ROBO2: variants seen among roughly 807,000 people sequenced by gnomAD.
ROBO2 encodes roundabout homolog 2.
In ROBO2, 53 loss-of-function variants were observed where a neutral mutation model predicts 160.8. The ratio of observed to expected loss-of-function variants is 0.33; its 90% CI spans 0.26 to 0.41. The LOEUF (loss-of-function observed/expected upper bound fraction) is 0.41, where lower values mean the gene tolerates loss of function less well. Ranked by LOEUF, ROBO2 falls within the 10% of genes least tolerant of loss-of-function variation. The pLI is 1.00. For missense variants in ROBO2, 1,577 were observed against 1,722.4 expected (o/e 0.92, Z 1.49); for synonymous variants, 664 against 611.7 (o/e 1.09, Z -1.26).
intron 2 of ROBO2, among the ~76,000 whole-genome samples, chr3:76,161,896 G>A (rs1200737135): frequency 6.6e-6 from 1 of 152,100 alleles, no homozygotes; most frequent in Non-Finnish European, 1.5e-5. Flanking sequence ...GTGCATTTGA[G>A]CATGTTAAAT....
At chr3:76,310,601 A>C (rs1367348182) in intron 2 of ROBO2, among the ~76,000 whole-genome samples, 3 of 152,214 alleles carry the variant, frequency 2.0e-5, no homozygotes, top group Non-Finnish European at 4.4e-5. Context: ...GAATGTCACG[A>C]GGTGAAGTAA....
intron 4 of ROBO2, among the ~76,000 whole-genome samples, chr3:77,491,667 G>C (rs143182460): frequency 6.6e-6 from 1 of 152,108 alleles, no homozygotes; most frequent in South Asian, 2.1e-4. Flanking sequence ...TATTCAGGGC[G>C]TCTAAAATCT....
intron 2 of ROBO2, among the ~76,000 whole-genome samples, chr3:76,592,020 A>G (rs2086446308): frequency 6.6e-6 from 1 of 152,074 alleles, no homozygotes; most frequent in African/African-American, 2.4e-5. Context: ...TTAAGAGCTT[A>G]GGAAACGTGT....
chr3:77,408,166 TTC>T (rs2076410778), intron 2 of ROBO2, among the ~76,000 whole-genome samples: 1 of 152,096 alleles, frequency 6.6e-6, no homozygotes, highest in Non-Finnish European at 1.5e-5. Context: ...TTGAGGAACA[TTC>T]TAACTTTTAG....
intron 2 of ROBO2, among the ~76,000 whole-genome samples, chr3:76,057,396 A>G (rs1362264855): frequency 1.3e-5 from 2 of 152,174 alleles, no homozygotes; most frequent in Non-Finnish European, 2.9e-5. Context: ...GAATCTTCGG[A>G]AGGTTAGAAA....
intron 2 of ROBO2, 118 bp downstream of exon 2, chr3:77,098,458 A>G: frequency 9.5e-7 from 1 of 1,053,654 alleles, no homozygotes; most frequent in Non-Finnish European, 1.4e-6. Context: ...GCATAATTTT[A>G]CTTGGTCTTC....
chr3:76,159,759 C>T (rs1415578386), intron 2 of ROBO2, among the ~76,000 whole-genome samples: 1 of 152,122 alleles, frequency 6.6e-6, no homozygotes, highest in African/African-American at 2.4e-5. Context: ...ATACCAGCCA[C>T]CCTAGTTCTT....
chr3:76,265,457 A>T (rs1292381520), intron 2 of ROBO2, among the ~76,000 whole-genome samples: 1 of 152,188 alleles, frequency 6.6e-6, no homozygotes, highest in Non-Finnish European at 1.5e-5. Flanking sequence ...TATGATAGTA[A>T]TAAGAGCTTC....
chr3:77,454,465 C>G (rs1300589670), intron 2 of ROBO2, among the ~76,000 whole-genome samples: 1 of 151,962 alleles, frequency 6.6e-6, no homozygotes, highest in Non-Finnish European at 1.5e-5. Context: ...ATTAAGACAC[C>G]CTTTCATTTA....
At chr3:77,291,215 A>T (rs2061192446) in intron 2 of ROBO2, among the ~76,000 whole-genome samples, 1 of 150,710 alleles carries the variant, frequency 6.6e-6, no homozygotes, top group Admixed American at 6.6e-5. Flanking sequence ...GGGTAAGCTG[A>T]GGCTAGAGCA....
chr3:76,565,921 G>A (rs2084488959), intron 2 of ROBO2, among the ~76,000 whole-genome samples: 1 of 152,072 alleles, frequency 6.6e-6, no homozygotes, highest in African/African-American at 2.4e-5. Flanking sequence ...GAATGACCAT[G>A]TCAACTCCCA....
chr3:76,531,748 C>A (rs2082244693), intron 2 of ROBO2, among the ~76,000 whole-genome samples: 1 of 150,566 alleles, frequency 6.6e-6, no homozygotes, highest in Admixed American at 6.7e-5. Context: ...AAAACAACAA[C>A]ACTATTTTCT....
chr3:76,094,000 A>T (rs1442446683), intron 2 of ROBO2, among the ~76,000 whole-genome samples: 1 of 152,154 alleles, frequency 6.6e-6, no homozygotes, highest in East Asian at 1.9e-4. Context: ...TTTGTGAAAA[A>T]AATTAAAAGC....
intron 2 of ROBO2, among the ~76,000 whole-genome samples, chr3:76,070,210 G>A (rs985260399): frequency 1.3e-4 from 20 of 152,176 alleles, no homozygotes; most frequent in African/African-American, 4.1e-4. Flanking sequence ...TGAGCCGGGC[G>A]GAACAGAGCC....
intron 2 of ROBO2, among the ~76,000 whole-genome samples, chr3:76,077,207 A>G (rs2068671281): frequency 6.6e-6 from 1 of 152,184 alleles, no homozygotes. Context: ...TAGAAAAGCA[A>G]AACAGTGTGC....
intron 2 of ROBO2, among the ~76,000 whole-genome samples, chr3:77,240,086 C>T (rs571822825): frequency 7.9e-5 from 12 of 152,276 alleles, no homozygotes; most frequent in South Asian, 6.2e-4. Context: ...CCATGCTGCG[C>T]TCCTGCACTC....
At chr3:76,564,113 C>G (rs182939484) in intron 2 of ROBO2, among the ~76,000 whole-genome samples, 1 of 152,078 alleles carries the variant, frequency 6.6e-6, no homozygotes, top group Non-Finnish European at 1.5e-5. Context: ...GGCTGAGACA[C>G]GAGAATCGCA....
chr3:76,949,031 G>A (rs1432564029), intron 2 of ROBO2, among the ~76,000 whole-genome samples: 4 of 149,262 alleles, frequency 2.7e-5, no homozygotes, highest in East Asian at 2.0e-4. Context: ...GATTACAGGC[G>A]TGAGCCACCA....
intron 2 of ROBO2, among the ~76,000 whole-genome samples, chr3:77,153,240 C>T (rs545345363): frequency 3.3e-5 from 5 of 151,940 alleles, no homozygotes; most frequent in African/African-American, 1.2e-4. Flanking sequence ...TCTTGCAGGA[C>T]GTTGTTTTGG....
Sources: allele counts gnomAD v4.1 joint callset (sites outside exome capture counted in the v4.1 genomes callset), GRCh38; gene constraint gnomAD v4.1.1; transcripts MANE v1.5; gene names NCBI Gene and HGNC (gene_info 2026-07-23, HGNC 2026-07-21).